The following FGA variants were observed in gnomAD, a reference collection of about 807,000 sequenced individuals.
FGA encodes the protein fibrinogen, A alpha polypeptide.
Under a neutral mutation model 20.3 loss-of-function variants are expected in FGA, and 20 were observed. The ratio of observed to expected loss-of-function variants is 0.99; its 90% confidence interval spans 0.69 to 1.43. The LOEUF (loss-of-function observed/expected upper bound fraction) is 1.43. Ranked by LOEUF, FGA falls within the 40% of genes most tolerant of loss-of-function variation. FGA has a pLI of 0.00. For synonymous variants in FGA, 306 were observed against 281.6 expected, an observed-to-expected ratio of 1.09 and a Z score of -0.87; for missense variants, 777 against 784.7, an observed-to-expected ratio of 0.99 and a Z score of 0.12.
chr4:154,586,008 C>T lies in FGA; in HGVS notation c.1421G>A (p.Gly474Asp). 3 of 1,614,142 alleles carry T rather than the reference C, an allele frequency of 1.9e-6. No homozygotes were observed. Among genetic ancestry groups the T allele is most frequent in the Non-Finnish European group, 2.5e-6 (3 of 1,180,028 alleles). The part of the protein sequence containing the change: ...TVTKTVIGPD[G>D]HKEVTKEVVT... ...CACTTCTTTGGTAACTTCTTTGTGA[C>T]CATCAGGACCAATAACAGTCTTAGT... Residue 474 changes from glycine to aspartate, a missense_variant, in exon 5 of 5, where the codon GGT becomes GAT. Gly to Asp is a moderately conservative substitution (Grantham distance 94). Transcript: ENST00000403106.
chr4:154,588,620 A>G (rs1224507978), intron 3 of FGA, among the ~76,000 whole-genome samples, 173 bp downstream of exon 3: 1 of 152,186 alleles, frequency 6.6e-6, no homozygotes, highest in Non-Finnish European at 1.5e-5. Flanking sequence ...ACTTTGAAAA[A>G]ATAACGAAAA....
Position 154,585,800 on chromosome 4 carries a change from C to T in FGA, c.1629G>A (p.Glu543=). 1 of 1,614,178 alleles carries T rather than the reference C, an allele frequency of 6.2e-7. No individual in the cohort carries two copies. The highest frequency in any genetic ancestry group is 8.5e-7 in the Non-Finnish European group (1 of 1,180,034). The change falls in exon 5 of 5, where the codon GAG becomes GAA. Residue 543 remains glutamate, a synonymous_variant. Transcript: ENST00000403106. ...FSPMLGEFVS[E]TESRGSESGI... Reference sequence around the variant, plus strand: ...CAGATTCTGAGCCCCTAGACTCAGTCTCACTGACAAACTCTCCTAACATAG... The same window carrying T: ...CAGATTCTGAGCCCCTAGACTCAGTTTCACTGACAAACTCTCCTAACATAG...
At position 154,585,411 on chromosome 4, in the gene FGA, G is replaced by A; in HGVS notation, c.*83C>T. The A allele has an allele frequency of 8.7e-7, 1 of 1,152,230 alleles. No homozygotes were observed. The highest frequency in any genetic ancestry group is 1.3e-6 in the Non-Finnish European group (1 of 794,552). 71.4% of individuals were successfully genotyped at this position (1,152,230 alleles called of 1,614,324 possible). A position where few individuals can be genotyped will look rare whatever the true frequency, so the allele number is the denominator to read the frequency against. ...TAGCACAAAAACAGACCAAAAAAGT[G>A]TAGTTTCAATGACGTGTAACAGAGA... On this transcript the variant is annotated 3_prime_UTR_variant, in exon 5 of 5. Transcript: ENST00000403106.
chr4:154,584,659 C>G (rs769380836), downstream of FGA: 1 of 1,613,986 alleles, frequency 6.2e-7, no homozygotes, highest in Non-Finnish European at 8.5e-7. Context: ...GTAGTCTTGC[C>G]AGGTCCGGTT....
chr4:154,589,424 G>A lies in FGA; in HGVS notation c.180+13C>T, dbSNP rs370478422. Reference sequence around the variant, plus strand: ...AGGGAAGGAATCTCCTGCTTCCCCCGCTGACTGCTTACCCAGTCTTCATCA... The same window carrying A: ...AGGGAAGGAATCTCCTGCTTCCCCCACTGACTGCTTACCCAGTCTTCATCA... On this transcript the variant is annotated intron_variant, in intron 2 of 4. Coordinates refer to ENST00000403106, the MANE Select transcript of FGA (RefSeq NM_021871.4). The A allele has an allele frequency of 3.1e-5, 50 of 1,613,452 alleles. No homozygotes were observed. Among genetic ancestry groups the A allele is most frequent in the East Asian group, 4.5e-5 (2 of 44,896 alleles).
At chr4:154,587,745 G>A (rs1307574553) in intron 3 of FGA, 88 bp from the exon 4 acceptor site, 4 of 524,138 alleles carry the variant, frequency 7.6e-6, no homozygotes, top group South Asian at 2.8e-5. Context: ...AGGAAGGAAG[G>A]AGAAAGAAAG....
chr4:154,587,576 A>T lies in FGA; in HGVS notation c.446T>A (p.Val149Glu). 6.2e-7 allele frequency: 1 copy of T among 1,613,994 alleles called. No homozygotes were observed. The highest frequency in any genetic ancestry group is 8.5e-7 in the Non-Finnish European group (1 of 1,179,946). ...EVLKRKVIEK[V>E]QHIQLLQKNV... ...TTTCTGCAGAAGCTGGATATGCTGT[A>T]CTTTTTCTATGACTTTGCGCTTCAG... is the stretch of plus-strand genomic sequence containing the variant. Residue 149 changes from valine (V) to glutamate (E), a missense_variant, in exon 4 of 5, where the codon GTA (valine) becomes GAA (glutamate). Physicochemically the swap from Val to Glu is moderately radical, Grantham distance 121 (BLOSUM62 -2). Coordinates refer to ENST00000403106, the MANE Select transcript of FGA (RefSeq NM_021871.4).
Position 154,585,381 on chromosome 4 carries a change from C to T in FGA, c.*113G>A, listed in dbSNP as rs546997001. ...AAAGGCCCTGCCCCCAAGGAACTTACAGTCTAGCACAAAAACAGACCAAAA... is the reference window on the plus strand; with the variant it reads ...AAAGGCCCTGCCCCCAAGGAACTTATAGTCTAGCACAAAAACAGACCAAAA... On this transcript the variant is annotated 3_prime_UTR_variant, in exon 5 of 5. Transcript: ENST00000403106. 104 of 1,056,970 alleles carry T rather than the reference C, an allele frequency of 9.8e-5. 1 individual carries two copies. The South Asian group carries it at 1.5e-3, about 15-fold the overall frequency. The allele number at this position is 1,056,970 out of a possible 1,614,324, so 65.5% of individuals were successfully genotyped here.
Position 154,587,551 on chromosome 4 carries a change from T to C in FGA, c.471A>G (p.Lys157=). 1.2e-6 allele frequency: 2 copies of C among 1,614,010 alleles called. No individual in the cohort carries two copies. The highest frequency in any genetic ancestry group is 1.7e-6 in the Non-Finnish European group (2 of 1,179,988). ...EKVQHIQLLQ[K]NVRAQLVDMK... is the part of the protein sequence containing the mutation. ...TATCAACCAACTGAGCTCTAACATT[T>C]TTCTGCAGAAGCTGGATATGCTGTA... Residue 157 remains lysine (K), a synonymous_variant, in exon 4 of 5, where the codon AAA becomes AAG. Coordinates refer to ENST00000403106, the MANE Select transcript of FGA (RefSeq NM_021871.4).
intron 1 of FGA, 138 bp from the exon 2 acceptor site, chr4:154,589,700 C>G: frequency 1.1e-6 from 1 of 940,440 alleles, no homozygotes; most frequent in Non-Finnish European, 1.7e-6. Flanking sequence ...AGGGCTTCGG[C>G]AAGCTTCAGG....
Position 154,586,203 on chromosome 4 carries a change from T to G in FGA, c.1226A>C (p.Asp409Ala). The change falls in exon 5 of 5, where the codon GAC becomes GCC. Residue 409 changes from aspartate to alanine, a missense_variant. Transcript: ENST00000403106. ...GSGNARPNNPDWGTFEEVSGN... is the reference protein window; with the variant it reads ...GSGNARPNNPAWGTFEEVSGN... ...TGACACCTCTTCAAATGTGCCCCAGTCTGGGTTGTTAGGCCTCGCGTTCCC... is the reference window on the plus strand; with the variant it reads ...TGACACCTCTTCAAATGTGCCCCAGGCTGGGTTGTTAGGCCTCGCGTTCCC... 1 of 1,614,130 alleles carries G rather than the reference T, an allele frequency of 6.2e-7. No homozygotes were observed. Among genetic ancestry groups the G allele is most frequent in the Non-Finnish European group, 8.5e-7 (1 of 1,180,022 alleles).
intron 1 of FGA, 78 bp downstream of exon 1, chr4:154,590,556 G>T: frequency 1.7e-6 from 2 of 1,208,530 alleles, no homozygotes; most frequent in African/African-American, 1.5e-5. Flanking sequence ...ACATAGAGCA[G>T]GTAGACTCTG....
downstream of FGA, among the ~76,000 whole-genome samples, chr4:154,584,996 G>C (rs776833051): frequency 2.6e-5 from 4 of 152,152 alleles, no homozygotes; most frequent in African/African-American, 9.7e-5. Flanking sequence ...CAGTGGGATA[G>C]AACTTATGCA....
At chr4:154,589,699 G>T in intron 1 of FGA, 137 bp from the exon 2 acceptor site, 1 of 939,180 alleles carries the variant, frequency 1.1e-6, no homozygotes, top group Non-Finnish European at 1.7e-6. Context: ...CAGGGCTTCG[G>T]CAAGCTTCAG....
At position 154,586,523 on chromosome 4, in the gene FGA, A is replaced by G. The variant is rs1730724219; in HGVS notation, c.906T>C (p.Pro302=). Residue 302 remains proline (P), a synonymous_variant, in exon 5 of 5, where the codon CCT becomes CCC. Coordinates refer to ENST00000403106, the MANE Select transcript of FGA (RefSeq NM_021871.4). ...CAGGGTTTCGGTTTCCAGTACTTCC[A>G]GGTCCAGAGCTCCCAGAGTTCCAGC... ...AGSWNSGSSG[P]GSTGNRNPGS... 6.2e-7 allele frequency: 1 copy of G among 1,613,828 alleles called. No homozygotes were observed. The highest frequency in any genetic ancestry group is 1.3e-5 in the African/African-American group (1 of 74,848).
Position 154,589,424 on chromosome 4 carries a change from G to T in FGA, c.180+13C>A. ...AGGGAAGGAATCTCCTGCTTCCCCC[G>T]CTGACTGCTTACCCAGTCTTCATCA... On this transcript the variant is annotated intron_variant, in intron 2 of 4. Transcript: ENST00000403106. 1 of 1,613,570 alleles carries T rather than the reference G, an allele frequency of 6.2e-7. No individual in the cohort carries two copies. The highest frequency in any genetic ancestry group is 8.5e-7 in the Non-Finnish European group (1 of 1,179,920).
intron 4 of FGA, 132 bp from the exon 5 acceptor site, chr4:154,587,050 A>T: frequency 1.2e-6 from 1 of 864,178 alleles, no homozygotes; most frequent in Non-Finnish European, 1.8e-6. Context: ...CCTACCACTT[A>T]ATATTCTCTG....
downstream of FGA, chr4:154,584,835 T>TAA (rs745514387): frequency 5.9e-6 from 9 of 1,518,382 alleles, no homozygotes; most frequent in Non-Finnish European, 8.1e-6. Flanking sequence ...CATCACAGTC[T>TAA]AAAAAAAAAA....
downstream of FGA, chr4:154,584,948 C>T: frequency 1.2e-6 from 1 of 868,630 alleles, no homozygotes; most frequent in Non-Finnish European, 1.8e-6. Context: ...TTTCTTTCTT[C>T]CTCCTTTCCT....
Sources: allele counts gnomAD v4.1 joint callset (sites outside exome capture counted in the v4.1 genomes callset), GRCh38; gene constraint gnomAD v4.1.1; transcripts MANE v1.5; gene names NCBI Gene and HGNC (gene_info 2026-07-23, HGNC 2026-07-21).